Variants in ARMH3 observed in about 807,000 individuals in gnomAD.
ARMH3 encodes the protein armadillo like helical domain containing 3.
Under a neutral mutation model 99.1 loss-of-function variants are expected in ARMH3, and 60 were observed. The observed-to-expected ratio is 0.61, with a 90% CI of 0.49 to 0.75. The LOEUF (loss-of-function observed/expected upper bound fraction) is 0.75, where lower values mean the gene tolerates loss of function less well. Among genes scored for constraint, ARMH3 ranks in the 30% least tolerant of loss-of-function variants. The pLI is 0.00. For synonymous variants in ARMH3, 285 were observed against 292.8 expected (o/e 0.97, Z 0.27); for missense variants, 679 against 843.1 (o/e 0.81, Z 2.41).
chr10:101,948,118 T>C (rs1279744685), intron 22 of ARMH3, among the ~76,000 whole-genome samples: 15 of 152,200 alleles, frequency 9.9e-5, no homozygotes, highest in Non-Finnish European at 1.3e-4. Context: ...ATTGTAAATA[T>C]GTATAGATAA....
chr10:102,033,611 G>C (rs772262028), intron 2 of ARMH3, among the ~76,000 whole-genome samples: 1 of 151,974 alleles, frequency 6.6e-6, no homozygotes, highest in African/African-American at 2.4e-5. Context: ...GTAGAGACAG[G>C]GTTTCACCAT....
intron 23 of ARMH3, among the ~76,000 whole-genome samples, chr10:101,924,794 G>A (rs1435397356): frequency 6.6e-6 from 1 of 152,084 alleles, no homozygotes; most frequent in African/African-American, 2.4e-5. Flanking sequence ...AGAAGTTCAA[G>A]ACCATCATGG....
intron 23 of ARMH3, among the ~76,000 whole-genome samples, chr10:101,939,384 G>A (rs1352813760): frequency 3.3e-5 from 5 of 152,116 alleles, no homozygotes; most frequent in Non-Finnish European, 7.3e-5. Flanking sequence ...AATACATACA[G>A]CACTCTGTAA....
chr10:101,870,268 T>C (rs1249052938), intron 24 of ARMH3, among the ~76,000 whole-genome samples: 1 of 152,188 alleles, frequency 6.6e-6, no homozygotes, highest in African/African-American at 2.4e-5. Flanking sequence ...CCTACATAAA[T>C]GAATAACTTC....
chr10:101,860,086 G>C (rs989825312), intron 24 of ARMH3, among the ~76,000 whole-genome samples: 1 of 152,098 alleles, frequency 6.6e-6, no homozygotes, highest in Non-Finnish European at 1.5e-5. Flanking sequence ...AAAAAACGGG[G>C]AAAGGGAATA....
chr10:101,902,797 A>G (rs2068012010), intron 23 of ARMH3, among the ~76,000 whole-genome samples: 1 of 152,048 alleles, frequency 6.6e-6, no homozygotes, highest in African/African-American at 2.4e-5. Flanking sequence ...TTGGGGCCTG[A>G]TTCTTTGACG....
intron 4 of ARMH3, among the ~76,000 whole-genome samples, chr10:102,032,417 T>C (rs1329161864): frequency 2.0e-5 from 3 of 152,212 alleles, no homozygotes; most frequent in Non-Finnish European, 4.4e-5. Flanking sequence ...TCTTTGGTTT[T>C]TGAGATGGAG....
At chr10:102,028,203 T>C (rs964915240) in intron 5 of ARMH3, among the ~76,000 whole-genome samples, 2 of 152,134 alleles carry the variant, frequency 1.3e-5, no homozygotes, top group Admixed American at 1.3e-4. Flanking sequence ...AATATAGAGT[T>C]ACCATGTGAC....
At chr10:102,035,410 G>A (rs1031232823) in intron 2 of ARMH3, among the ~76,000 whole-genome samples, 3 of 151,988 alleles carry the variant, frequency 2.0e-5, no homozygotes, top group South Asian at 2.1e-4. Context: ...CTCTCCCCAC[G>A]GTCTCCCTCT....
intron 24 of ARMH3, among the ~76,000 whole-genome samples, chr10:101,874,869 C>T (rs1004838255): frequency 6.6e-6 from 1 of 152,084 alleles, no homozygotes; most frequent in Admixed American, 6.6e-5. Context: ...TACAAAGGGT[C>T]AGGTGGGACT....
Position 101,956,587 on chromosome 10 carries a change from G to T in ARMH3, c.1705+10C>A. On this transcript the variant is annotated intron_variant, in intron 22 of 25. Coordinates refer to ENST00000370033, the MANE Select transcript of ARMH3 (RefSeq NM_024541.3). ...GGTGGAGAGAGGAGTAAAAAGAAAA[G>T]GCAGCTTACCCATGGAGTAGAGGTT... 6.2e-7 allele frequency: 1 copy of T among 1,611,366 alleles called. No homozygotes were observed. The highest frequency in any genetic ancestry group is 8.5e-7 in the Non-Finnish European group (1 of 1,178,104).
At chr10:101,966,176 G>T (rs1053942853) in intron 20 of ARMH3, among the ~76,000 whole-genome samples, 1 of 148,306 alleles carries the variant, frequency 6.7e-6, no homozygotes, top group Admixed American at 6.7e-5. Flanking sequence ...TGCAATCCCG[G>T]CTCACTGCAA....
intron 22 of ARMH3, among the ~76,000 whole-genome samples, chr10:101,950,522 A>G (rs1311700109): frequency 6.6e-6 from 1 of 152,242 alleles, no homozygotes; most frequent in Admixed American, 6.5e-5. Context: ...ATAATTCATA[A>G]CAGCAAAAAG....
intron 20 of ARMH3, among the ~76,000 whole-genome samples, chr10:101,959,533 C>T (rs1259138334): frequency 6.6e-6 from 1 of 152,226 alleles, no homozygotes; most frequent in Non-Finnish European, 1.5e-5. Flanking sequence ...CACAGAGATG[C>T]AGCCTCAGCA....
intron 23 of ARMH3, among the ~76,000 whole-genome samples, chr10:101,901,620 A>C (rs2135499791): frequency 6.6e-6 from 1 of 152,178 alleles, no homozygotes; most frequent in South Asian, 2.1e-4. Flanking sequence ...TCCAGCACTG[A>C]CTTATGTTGC....
intron 8 of ARMH3, among the ~76,000 whole-genome samples, chr10:102,022,985 T>C (rs1001727387): frequency 2.6e-5 from 4 of 151,864 alleles, no homozygotes; most frequent in African/African-American, 4.8e-5. Flanking sequence ...CATTGGGAGT[T>C]TGAGACCAGC....
intron 24 of ARMH3, among the ~76,000 whole-genome samples, chr10:101,877,372 T>A (rs1033582060): frequency 1.1e-4 from 16 of 151,942 alleles, no homozygotes; most frequent in African/African-American, 3.6e-4. Context: ...CAAAAAAAAA[T>A]TTTTTTAGGC....
chr10:102,047,121 T>C (rs1343659554), intron 1 of ARMH3, among the ~76,000 whole-genome samples: 2 of 152,324 alleles, frequency 1.3e-5, no homozygotes, highest in East Asian at 1.9e-4. Context: ...AGTTGATAGA[T>C]GTATCCAACA....
At chr10:101,869,246 A>G (rs1441385611) in intron 24 of ARMH3, among the ~76,000 whole-genome samples, 1 of 152,110 alleles carries the variant, frequency 6.6e-6, no homozygotes, top group African/African-American at 2.4e-5. Context: ...GAATATTTAA[A>G]AGCTACCAAC....
Sources: gnomAD v4.1 joint callset for allele counts (sites outside exome capture counted in the v4.1 genomes callset) on GRCh38, gnomAD v4.1.1 for gene constraint, MANE v1.5 for transcripts, NCBI Gene and HGNC (gene_info 2026-07-23, HGNC 2026-07-21) for gene names.